Variants in CHEK1 observed in about 807,000 individuals in gnomAD.
The protein encoded by CHEK1 is serine/threonine-protein kinase Chk1.
A neutral mutation model predicts 60.2 loss-of-function variants in CHEK1; 32 were observed. That is an observed-to-expected ratio of 0.53 (90% CI 0.40 to 0.71). The LOEUF is 0.71. Among genes scored for constraint, CHEK1 ranks in the 30% least tolerant of loss-of-function variants. The probability of loss-of-function intolerance (pLI) is 0.00; values close to 1 mark genes in which losing one functional copy is unlikely to be tolerated. For synonymous variants in CHEK1, 179 were observed against 187.2 expected (o/e 0.96, Z 0.36); for missense variants, 399 against 564.6 (o/e 0.71, Z 2.97).
chr11:125,659,582 T>C (rs1391833260), downstream of CHEK1, among the ~76,000 whole-genome samples: 1 of 152,156 alleles, frequency 6.6e-6, no homozygotes, highest in Non-Finnish European at 1.5e-5. Flanking sequence ...TATTTTTACA[T>C]TGTAGTTCTC....
At chr11:125,667,018 T>A (rs925135133) in intron 13 of CHEK1, among the ~76,000 whole-genome samples, 2 of 152,016 alleles carry the variant, frequency 1.3e-5, no homozygotes, top group African/African-American at 4.8e-5. Context: ...TTACCTTTGT[T>A]ATAGATTAAA....
Position 125,636,391 on chromosome 11 carries a change from CA to C in CHEK1, c.718+859del, listed in dbSNP as rs3731417. On this transcript the variant is annotated intron_variant, in intron 7 of 12. Transcript: ENST00000438015. ...TGTTGGAGATTTTTCTAAATTTTCA[CA>C]GATACAAAAGAGATATAAGTATCTG... Among the ~76,000 whole-genome samples the C allele has an allele frequency of 4.5e-4, 68 of 152,158 alleles. 1 individual carries two copies. In the East Asian group the frequency reaches 0.013, roughly 28 times the overall value.
At chr11:125,628,414 A>G (rs1320077629) in intron 3 of CHEK1, among the ~76,000 whole-genome samples, 1 of 152,194 alleles carries the variant, frequency 6.6e-6, no homozygotes, top group Non-Finnish European at 1.5e-5. Flanking sequence ...TATAATTTAA[A>G]GCTATTGTAT....
At chr11:125,661,558 C>T (rs943950448), downstream of CHEK1, among the ~76,000 whole-genome samples, 2 of 152,180 alleles carry the variant, frequency 1.3e-5, no homozygotes, top group Admixed American at 6.6e-5. Flanking sequence ...GTTATCTGCC[C>T]GCCTTGGCCT....
intron 1 of CHEK1, chr11:125,626,252 G>GC: frequency 3.6e-6 from 2 of 551,552 alleles, no homozygotes; most frequent in South Asian, 4.9e-5. Flanking sequence ...AAGAGTCCCA[G>GC]CCCTTCCTTT....
At chr11:125,650,458 G>GGTT (rs1941676423) in intron 11 of CHEK1, among the ~76,000 whole-genome samples, 1 of 130,752 alleles carries the variant, frequency 7.6e-6, no homozygotes, top group African/African-American at 2.9e-5. Flanking sequence ...AGTGGTGTTT[G>GGTT]TTTTTTTTTT....
chr11:125,663,028 C>T (rs1317692182), intron 13 of CHEK1, among the ~76,000 whole-genome samples: 1 of 151,304 alleles, frequency 6.6e-6, no homozygotes, highest in Non-Finnish European at 1.5e-5. Flanking sequence ...GGTGAAATAT[C>T]TCTTCATGTC....
downstream of CHEK1, chr11:125,678,096 G>A (rs1386027045): frequency 2.5e-6 from 4 of 1,614,108 alleles, no homozygotes; most frequent in East Asian, 8.9e-5. Context: ...ATGTTCTCCA[G>A]AAGTGTGCTC....
chr11:125,649,137 T>A (rs1276697513), intron 11 of CHEK1, among the ~76,000 whole-genome samples: 3 of 152,312 alleles, frequency 2.0e-5, no homozygotes, highest in Admixed American at 6.5e-5. Context: ...GTTTATTTTG[T>A]CTAATGTTAG....
rs1215461021 is a variant in CHEK1 at position 125,625,646 on chromosome 11, G to A, written c.-387G>A. 1.7e-6 allele frequency: 1 copy of A among 595,558 alleles called. No homozygotes were observed. The highest frequency in any genetic ancestry group is 3.0e-6 in the Non-Finnish European group (1 of 332,702). 36.9% of individuals were successfully genotyped at this position (595,558 alleles called of 1,614,324 possible). On this transcript the variant is annotated 5_prime_UTR_variant, in exon 1 of 13. Coordinates refer to ENST00000438015, the MANE Select transcript of CHEK1 (RefSeq NM_001114122.3). ...GCCTGGAAGCGCAGCGCGGTCGGTCGCGCGCCCCTGAGGCTTGGAGGCCTG... is the reference window on the plus strand; with the variant it reads ...GCCTGGAAGCGCAGCGCGGTCGGTCACGCGCCCCTGAGGCTTGGAGGCCTG...
rs1018498934 is a variant in CHEK1 at position 125,655,436 on chromosome 11, C to A, written c.*116C>A. On this transcript the variant is annotated 3_prime_UTR_variant, in exon 13 of 13. Coordinates refer to ENST00000438015, the MANE Select transcript of CHEK1 (RefSeq NM_001114122.3). ...TGCAAATAGTAGTTCCTGAAGTGTT[C>A]ACTTCCCTGTTTATCCAAACATCTT... 5.7e-5 allele frequency: 34 copies of A among 598,308 alleles called. No homozygotes were observed. The highest frequency in any genetic ancestry group is 9.3e-5 in the Non-Finnish European group (33 of 353,252). 37.1% of individuals were successfully genotyped at this position (598,308 alleles called of 1,614,324 possible).
chr11:125,639,168 T>C (rs1941185516), intron 8 of CHEK1, among the ~76,000 whole-genome samples: 1 of 152,094 alleles, frequency 6.6e-6, no homozygotes, highest in African/African-American at 2.4e-5. Flanking sequence ...ACCCAGTAAG[T>C]AGTTTCTGGG....
downstream of CHEK1, among the ~76,000 whole-genome samples, chr11:125,661,279 AT>A (rs113899988): frequency 1.9e-4 from 27 of 143,814 alleles, no homozygotes; most frequent in South Asian, 2.2e-4. Context: ...CTTTTCTACC[AT>A]TTTTTTTTTG....
intron 3 of CHEK1, 123 bp downstream of exon 3, chr11:125,627,953 A>G (rs903825498): frequency 2.8e-6 from 2 of 712,782 alleles, no homozygotes; most frequent in Non-Finnish European, 4.4e-6. Flanking sequence ...ATTGGAATAC[A>G]TTATCTTTAA....
rs1941894221 is a variant in CHEK1, at chr11:125,656,047, A to C, written c.*727A>C. 1 of 212,074 alleles carries C rather than the reference A, an allele frequency of 4.7e-6. No homozygotes were observed. The highest frequency in any genetic ancestry group is 5.9e-5 in the Admixed American group (1 of 16,990). 13.1% of individuals were successfully genotyped at this position (212,074 alleles called of 1,614,324 possible). A position where few individuals can be genotyped will look rare whatever the true frequency, so the allele number is the denominator to read the frequency against. On this transcript the variant is annotated 3_prime_UTR_variant, in exon 13 of 13. Transcript: ENST00000438015. Reference sequence around the variant, plus strand: ...AGCCATATTTTAACCTTTTCAACTTACTGGTGACCAAGCTTTTAGGTGATA... The same window carrying C: ...AGCCATATTTTAACCTTTTCAACTTCCTGGTGACCAAGCTTTTAGGTGATA...
chr11:125,634,746 G>A (rs926363889), intron 6 of CHEK1, among the ~76,000 whole-genome samples: 3 of 152,088 alleles, frequency 2.0e-5, no homozygotes, highest in Admixed American at 6.5e-5. Flanking sequence ...CCCCACCTCC[G>A]AATGCCATTG....
chr11:125,646,939 G>A (rs1332208507), intron 11 of CHEK1, among the ~76,000 whole-genome samples: 7 of 151,992 alleles, frequency 4.6e-5, no homozygotes, highest in African/African-American at 2.4e-5. Flanking sequence ...TGTTAGTGTC[G>A]TTTGATGTAC....
chr11:125,648,634 C>CTT (rs746598087), intron 11 of CHEK1, among the ~76,000 whole-genome samples: 60 of 136,416 alleles, frequency 4.4e-4, no homozygotes, highest in African/African-American at 9.7e-4. Context: ...AATTGTTTTA[C>CTT]TTTTTTTTTT....
At chr11:125,663,779 G>C (rs960194357) in intron 13 of CHEK1, among the ~76,000 whole-genome samples, 1 of 152,042 alleles carries the variant, frequency 6.6e-6, no homozygotes, top group Non-Finnish European at 1.5e-5. Flanking sequence ...TTATCTTCCA[G>C]GGTTTTTATA....
Sources: allele counts gnomAD v4.1 joint callset (sites outside exome capture counted in the v4.1 genomes callset), GRCh38; gene constraint gnomAD v4.1.1; transcripts MANE v1.5; gene names NCBI Gene and HGNC (gene_info 2026-07-23, HGNC 2026-07-21).